ARID5A: variants seen among roughly 807,000 people sequenced by gnomAD.
The protein encoded by ARID5A is AT-rich interactive domain-containing protein 5A.
Under a neutral mutation model 30.5 loss-of-function variants are expected in ARID5A, and 14 were observed. The observed-to-expected ratio is 0.46, with a 90% confidence interval of 0.30 to 0.72. The LOEUF is 0.72. ARID5A is among the 30% of genes least tolerant of loss of function. The pLI, the probability that ARID5A is intolerant of heterozygous loss-of-function variation, is 0.07. For synonymous variants in ARID5A, 338 were observed against 340.4 expected, an observed-to-expected ratio of 0.99 and a Z score of 0.08; for missense variants, 669 against 786.2, an observed-to-expected ratio of 0.85 and a Z score of 1.78.
intron 1 of ARID5A, among the ~76,000 whole-genome samples, chr2:96,544,582 T>C (rs959571988): frequency 2.0e-5 from 3 of 152,250 alleles, no homozygotes; most frequent in Non-Finnish European, 4.4e-5. Flanking sequence ...TTAAGCCAAC[T>C]GTTGAGACCT....
chr2:96,549,865 G>A lies in ARID5A; in HGVS notation c.312+60G>A, dbSNP rs536814705. The A allele has an allele frequency of 1.0e-5, 16 of 1,581,650 alleles. No homozygotes were observed. Among genetic ancestry groups the A allele is most frequent in the Middle Eastern group, 1.7e-4 (1 of 5,884 alleles). On this transcript the variant is annotated intron_variant, in intron 4 of 6. Transcript: ENST00000357485. The surrounding 1 kb of genome is among the most constrained non-coding windows in gnomAD (Gnocchi z 6.1). ...CATATCCCTGGGGTGAGCCTGCAGCGCTGTCCTTGCCTCTGGACAGAGGAA... is the reference window on the plus strand; with the variant it reads ...CATATCCCTGGGGTGAGCCTGCAGCACTGTCCTTGCCTCTGGACAGAGGAA...
chr2:96,544,781 C>T (rs944486609), intron 1 of ARID5A, among the ~76,000 whole-genome samples: 11 of 152,228 alleles, frequency 7.2e-5, no homozygotes, highest in Non-Finnish European at 2.9e-5. Context: ...TTAAGAAATA[C>T]ATTTTGTAAG....
chr2:96,547,594 C>T (rs1393259126), intron 2 of ARID5A, 77 bp downstream of exon 2: 1 of 1,352,026 alleles, frequency 7.4e-7, no homozygotes, highest in East Asian at 2.4e-5. Flanking sequence ...CCAGGTGAAC[C>T]TGGACACTCC....
intron 1 of ARID5A, chr2:96,538,322 G>A: frequency 1.3e-5 from 13 of 985,572 alleles, no homozygotes; most frequent in Non-Finnish European, 1.6e-5. Flanking sequence ...CCAGAGCCCG[G>A]TAAGAGGGAC....
chr2:96,537,748 A>C lies in ARID5A; in HGVS notation c.4+918A>C. The C allele has an allele frequency of 5.5e-6, 3 of 547,374 alleles. No homozygotes were observed. Among genetic ancestry groups the C allele is most frequent in the Non-Finnish European group, 7.0e-6 (3 of 429,908 alleles). 33.9% of individuals were successfully genotyped at this position (547,374 alleles called of 1,614,324 possible). ...CGCGCTCCGTCCCTCCGCGGTGTCT[A>C]GGGGTCGCCCGGGCTGGGGTCGCGT... is the stretch of plus-strand genomic sequence containing the variant. On this transcript the variant is annotated intron_variant, in intron 1 of 6. Coordinates refer to ENST00000357485, the MANE Select transcript of ARID5A (RefSeq NM_212481.3). The surrounding 1 kb of genome is among the most constrained non-coding windows in gnomAD (Gnocchi z 4.8).
In ARID5A at chr2:96,537,980, C is replaced by T; in HGVS notation, c.4+1150C>T. ...TGGTGGGAGCCCACACGCACGGTGGCGTCACTGCGCCTACAGGCAACGCTA... is the reference window on the plus strand; with the variant it reads ...TGGTGGGAGCCCACACGCACGGTGGTGTCACTGCGCCTACAGGCAACGCTA... On this transcript the variant is annotated intron_variant, in intron 1 of 6. Coordinates refer to ENST00000357485, the MANE Select transcript of ARID5A (RefSeq NM_212481.3). The surrounding 1 kb of genome is among the most constrained non-coding windows in gnomAD (Gnocchi z 4.8). 20 of 985,464 alleles carry T rather than the reference C, an allele frequency of 2.0e-5. No homozygotes were observed. The highest frequency in any genetic ancestry group is 4.7e-5 in the South Asian group (1 of 21,288). 61.0% of individuals were successfully genotyped at this position (985,464 alleles called of 1,614,324 possible). A position where few individuals can be genotyped will look rare whatever the true frequency, so the allele number is the denominator to read the frequency against.
rs774671624 is a variant in ARID5A, at chr2:96,552,130, C to T, written c.1602C>T (p.Phe534=). 1 of 1,612,370 alleles carries T rather than the reference C, an allele frequency of 6.2e-7. No homozygotes were observed. ...LPFSPLVIPA[F]PAHFLATAGP... ...TCAGCCCCCTGGTCATCCCGGCCTT[C>T]CCGGCCCACTTCCTGGCCACCGCAG... Residue 534 remains phenylalanine, a synonymous_variant, in exon 7 of 7, where the codon TTC becomes TTT. Transcript: ENST00000357485.
At position 96,550,493 on chromosome 2, in the gene ARID5A, A is replaced by G; in HGVS notation, c.411-81A>G. ...GGGCCTTCCTCGGCGCCGGCGGGGA[A>G]GGGGGCTCAGAGGAGGCTACAGAGG... is the stretch of plus-strand genomic sequence containing the variant. On this transcript the variant is annotated intron_variant, in intron 5 of 6. Coordinates refer to ENST00000357485, the MANE Select transcript of ARID5A (RefSeq NM_212481.3). The surrounding 1 kb of genome is among the most constrained non-coding windows in gnomAD (Gnocchi z 6.6). 1 of 1,482,806 alleles carries G rather than the reference A, an allele frequency of 6.7e-7. No homozygotes were observed. Among genetic ancestry groups the G allele is most frequent in the Non-Finnish European group, 9.0e-7 (1 of 1,113,008 alleles). The allele number at this position is 1,482,806 out of a possible 1,614,324, so 91.9% of individuals were successfully genotyped here.
rs2065991753 is a variant in ARID5A at position 96,549,688 on chromosome 2, A to C, written c.260-65A>C. On this transcript the variant is annotated intron_variant, in intron 3 of 6. Transcript: ENST00000357485. This position sits in a 1 kb window ranked among gnomAD's most constrained non-coding sequence, Gnocchi z 6.1. ...TGCCTGGCCTGTCAGGGCACCAGGAAGGGGTGGCATGCTGTCCCCACCTCC... is the reference window on the plus strand; with the variant it reads ...TGCCTGGCCTGTCAGGGCACCAGGACGGGGTGGCATGCTGTCCCCACCTCC... 4 of 1,606,400 alleles carry C rather than the reference A, an allele frequency of 2.5e-6. No individual in the cohort carries two copies. The East Asian group carries it at 8.9e-5, about 36-fold the overall frequency.
intron 1 of ARID5A, among the ~76,000 whole-genome samples, chr2:96,543,379 A>C (rs1179509317): frequency 6.7e-6 from 1 of 150,106 alleles, no homozygotes; most frequent in Non-Finnish European, 1.5e-5. Flanking sequence ...AGCATTTTTT[A>C]CTCATTGAAG....
Position 96,550,132 on chromosome 2 carries a change from G to C in ARID5A, c.313-56G>C, listed in dbSNP as rs2066002573. 6.5e-7 allele frequency: 1 copy of C among 1,530,684 alleles called. No homozygotes were observed. Among genetic ancestry groups the C allele is most frequent in the Non-Finnish European group, 8.8e-7 (1 of 1,142,624 alleles). 94.8% of individuals were successfully genotyped at this position (1,530,684 alleles called of 1,614,324 possible). On this transcript the variant is annotated intron_variant, in intron 4 of 6. Transcript: ENST00000357485. This position sits in a 1 kb window ranked among gnomAD's most constrained non-coding sequence, Gnocchi z 6.6. ...CCTGCGAGGGCGGCCGGAGCTGCAA[G>C]GACCCCGCCGCCAGGGGGCGCCCGC...
rs1162166923 is a variant in ARID5A at position 96,551,182 on chromosome 2, G to T, written c.654G>T (p.Gln218His). 1 of 1,613,976 alleles carries T rather than the reference G, an allele frequency of 6.2e-7. No individual in the cohort carries two copies. The highest frequency in any genetic ancestry group is 8.5e-7 in the Non-Finnish European group (1 of 1,179,988). ...SQEPPRNSTE[Q>H]QGLASGSSVS... ...AGCCCCCCAGGAACAGCACAGAACA[G>T]CAGGGCCTGGCCTCTGGGTCTTCTG... Residue 218 changes from glutamine (Q) to histidine (H), a missense_variant, in exon 7 of 7, where the codon CAG (glutamine) becomes CAT (histidine). Coordinates refer to ENST00000357485, the MANE Select transcript of ARID5A (RefSeq NM_212481.3).
chr2:96,550,880 G>A lies in ARID5A; in HGVS notation c.570+147G>A, dbSNP rs948117691. On this transcript the variant is annotated intron_variant, in intron 6 of 6. Transcript: ENST00000357485. The surrounding 1 kb of genome is among the most constrained non-coding windows in gnomAD (Gnocchi z 6.6). ...CTTGCAAGGTTCCAGGTTCTCCACAGATGGTTGTGCAAGTGGACTCTGAAC... is the reference window on the plus strand; with the variant it reads ...CTTGCAAGGTTCCAGGTTCTCCACAAATGGTTGTGCAAGTGGACTCTGAAC... 8 of 1,294,398 alleles carry A rather than the reference G, an allele frequency of 6.2e-6. No individual in the cohort carries two copies. Among genetic ancestry groups the A allele is most frequent in the Non-Finnish European group, 7.3e-6 (7 of 964,382 alleles). The allele number at this position is 1,294,398 out of a possible 1,614,324, so 80.2% of individuals were successfully genotyped here.
intron 1 of ARID5A, among the ~76,000 whole-genome samples, chr2:96,541,099 G>A (rs1434198051): frequency 5.8e-5 from 8 of 138,828 alleles, no homozygotes; most frequent in East Asian, 4.3e-4. Context: ...ATGCAGTGGC[G>A]CGAGCTCAGC....
In ARID5A at chr2:96,537,680, G is replaced by T; in HGVS notation, c.4+850G>T. On this transcript the variant is annotated intron_variant, in intron 1 of 6. Transcript: ENST00000357485. The surrounding 1 kb of genome is among the most constrained non-coding windows in gnomAD (Gnocchi z 4.8). ...CGTGGGCTACGAGCTTGCAGGCGAT[G>T]CCCGGCTTCGCGCTCGGCGGGAGCT... 1 of 170,270 alleles carries T rather than the reference G, an allele frequency of 5.9e-6. No homozygotes were observed. The highest frequency in any genetic ancestry group is 1.2e-5 in the Non-Finnish European group (1 of 84,594). The allele number at this position is 170,270 out of a possible 1,614,324, so 10.5% of individuals were successfully genotyped here.
intron 1 of ARID5A, among the ~76,000 whole-genome samples, chr2:96,544,738 C>T (rs973560740): frequency 6.6e-6 from 1 of 152,120 alleles, no homozygotes; most frequent in Non-Finnish European, 1.5e-5. Context: ...AGCCAAGGAT[C>T]AAGGAGTAAT....
chr2:96,551,083 C>A lies in ARID5A; in HGVS notation c.571-16C>A. 1.2e-6 allele frequency: 2 copies of A among 1,600,146 alleles called. No homozygotes were observed. Among genetic ancestry groups the A allele is most frequent in the South Asian group, 1.1e-5 (1 of 89,618 alleles). On this transcript the variant is annotated splice_polypyrimidine_tract_variant and intron_variant, in intron 6 of 6. Coordinates refer to ENST00000357485, the MANE Select transcript of ARID5A (RefSeq NM_212481.3). Reference sequence around the variant, plus strand: ...GGGCTGAGGCAGTCCTGAGGCAAGACTTTCTCTCATTCCAGATGATGCCAG... The same window carrying A: ...GGGCTGAGGCAGTCCTGAGGCAAGAATTTCTCTCATTCCAGATGATGCCAG...
rs1469328170 is a variant in ARID5A at position 96,539,338 on chromosome 2, A to G, written c.4+2508A>G. 1.3e-5 allele frequency among the ~76,000 whole-genome samples: 2 copies of G among 152,314 alleles called. No homozygotes were observed. The highest frequency in any genetic ancestry group is 4.8e-5 in the African/African-American group (2 of 41,566). On this transcript the variant is annotated intron_variant, in intron 1 of 6. Coordinates refer to ENST00000357485, the MANE Select transcript of ARID5A (RefSeq NM_212481.3). The surrounding 1 kb of genome is among the most constrained non-coding windows in gnomAD (Gnocchi z 4.7). ...CTTCCAGCTTGATGTCTGGCAGGGC[A>G]GGGGCCCACTGACTTCCCCGCATCC...
chr2:96,538,332 C>T, intron 1 of ARID5A: 1 of 985,552 alleles, frequency 1.0e-6, no homozygotes. Context: ...GTAAGAGGGA[C>T]AGGGAGAATG....
Sources: gnomAD v4.1 joint callset for allele counts (sites outside exome capture counted in the v4.1 genomes callset) on GRCh38, gnomAD v4.1.1 for gene constraint, Gnocchi (gnomAD v3.1) non-coding constraint, MANE v1.5 for transcripts, NCBI Gene and HGNC (gene_info 2026-07-23, HGNC 2026-07-21) for gene names.